Variants in KDM4A observed in about 807,000 individuals in gnomAD.
The protein encoded by KDM4A is lysine-specific demethylase 4A.
Under a neutral mutation model 127.1 loss-of-function variants are expected in KDM4A, and 23 were observed. That is an observed-to-expected ratio of 0.18 (90% CI 0.13 to 0.26). The LOEUF is 0.26. KDM4A is among the 10% of genes least tolerant of loss of function. The pLI, the probability that KDM4A is intolerant of heterozygous loss-of-function variation, is 1.00. For synonymous variants in KDM4A, 443 were observed against 466.5 expected, an observed-to-expected ratio of 0.95 and a Z score of 0.65; for missense variants, 890 against 1,329.1, an observed-to-expected ratio of 0.67 and a Z score of 5.14.
intron 5 of KDM4A, among the ~76,000 whole-genome samples, chr1:43,664,307 C>G (rs1373944691): frequency 1.3e-5 from 2 of 152,024 alleles, no homozygotes; most frequent in African/African-American, 4.8e-5. Flanking sequence ...TGGCTCACAC[C>G]TGTAATCCCA....
chr1:43,690,762 C>G, intron 13 of KDM4A, 83 bp from the exon 14 acceptor site: 2 of 1,295,388 alleles, frequency 1.5e-6, no homozygotes, highest in Admixed American at 3.4e-5. Flanking sequence ...GTAAGAGAGC[C>G]AGCTTTCTGC....
chr1:43,658,889 C>T (rs1660308982), intron 3 of KDM4A, among the ~76,000 whole-genome samples: 1 of 152,082 alleles, frequency 6.6e-6, no homozygotes, highest in Non-Finnish European at 1.5e-5. Flanking sequence ...ATCCTCCTGC[C>T]TCAGCCTCCC....
chr1:43,680,401 G>A (rs531813808), intron 11 of KDM4A, among the ~76,000 whole-genome samples: 10 of 152,298 alleles, frequency 6.6e-5, no homozygotes, highest in African/African-American at 2.2e-4. Flanking sequence ...GCATTCTGGT[G>A]TTCTTGACCT....
intron 11 of KDM4A, among the ~76,000 whole-genome samples, chr1:43,681,923 C>T (rs1463914701): frequency 6.6e-6 from 1 of 152,154 alleles, no homozygotes; most frequent in Non-Finnish European, 1.5e-5. Flanking sequence ...GACTGTCGGG[C>T]AAGTATGGGT....
At chr1:43,683,546 T>C (rs897695569) in intron 11 of KDM4A, 138 bp from the exon 12 acceptor site, 29 of 990,522 alleles carry the variant, frequency 2.9e-5, no homozygotes, top group Non-Finnish European at 3.7e-5. Flanking sequence ...TTTTCTAAGA[T>C]AGGTATTTTC....
At position 43,657,530 on chromosome 1, in the gene KDM4A, T is replaced by G. The variant is rs142720426; in HGVS notation, c.314+1764T>G. ...TTAACTCTTAAAACATCTACCTTGC[T>G]GGCCAACCTGCTGACCGATGAGAGA... On this transcript the variant is annotated intron_variant, in intron 3 of 21. Coordinates refer to ENST00000372396, the MANE Select transcript of KDM4A (RefSeq NM_014663.3). 2.6e-5 allele frequency among the ~76,000 whole-genome samples: 4 copies of G among 152,208 alleles called. No individual in the cohort carries two copies. The East Asian group carries it at 5.8e-4, about 22-fold the overall frequency.
intron 3 of KDM4A, 75 bp from the exon 4 acceptor site, chr1:43,660,222 AT>A (rs1660340128): frequency 6.8e-7 from 1 of 1,468,736 alleles, no homozygotes; most frequent in Non-Finnish European, 9.4e-7. Flanking sequence ...GGAATAGGGG[AT>A]TATGTCTTGT....
intron 18 of KDM4A, among the ~76,000 whole-genome samples, chr1:43,697,279 T>C (rs1175941385): frequency 6.6e-6 from 1 of 152,234 alleles, no homozygotes; most frequent in Non-Finnish European, 1.5e-5. Context: ...TGATCCTGTT[T>C]GCATCAAGGG....
Position 43,691,749 on chromosome 1 carries a change from C to T in KDM4A, c.2319+177C>T, listed in dbSNP as rs541763078. Among the ~76,000 whole-genome samples the T allele has an allele frequency of 3.3e-5, 5 of 152,240 alleles. No individual in the cohort carries two copies. The East Asian group carries it at 5.8e-4, about 18-fold the overall frequency. On this transcript the variant is annotated intron_variant, in intron 15 of 21. Coordinates refer to ENST00000372396, the MANE Select transcript of KDM4A (RefSeq NM_014663.3). ...TATGACCGTGAGAATGGTTGCTGCC[C>T]ACTTACGGAGTCTGGATGCTGTGTT...
At chr1:43,666,387 G>A in intron 6 of KDM4A, 65 bp from the exon 7 acceptor site, 2 of 1,286,580 alleles carry the variant, frequency 1.6e-6, no homozygotes, top group South Asian at 2.4e-5. Context: ...CAGGTGTGAA[G>A]TGACTCCAGG....
chr1:43,673,505 G>T (rs1191103533), intron 11 of KDM4A, among the ~76,000 whole-genome samples: 4 of 151,736 alleles, frequency 2.6e-5, no homozygotes, highest in African/African-American at 7.3e-5. Flanking sequence ...TTTATGGTAG[G>T]TTTGTCTCCT....
In KDM4A at chr1:43,697,826, C is replaced by G; in HGVS notation, c.2671-17C>G. 6.2e-7 allele frequency: 1 copy of G among 1,608,652 alleles called. No homozygotes were observed. On this transcript the variant is annotated splice_polypyrimidine_tract_variant and intron_variant, in intron 18 of 21. Transcript: ENST00000372396. The stretch of plus-strand genomic sequence containing the variant: ...AAACTCCACGTGTGAGTAACCAAAG[C>G]CTCTGTTTTTTTCCAGCGTGCCAAG...
At chr1:43,672,115 A>G (rs1660633341) in intron 11 of KDM4A, among the ~76,000 whole-genome samples, 1 of 151,980 alleles carries the variant, frequency 6.6e-6, no homozygotes, top group African/African-American at 2.4e-5. Flanking sequence ...CCCTGTGGCT[A>G]CTGATTCCAA....
intron 19 of KDM4A, among the ~76,000 whole-genome samples, chr1:43,703,226 G>C (rs995690380): frequency 1.3e-5 from 2 of 151,884 alleles, no homozygotes; most frequent in African/African-American, 4.8e-5. Context: ...ACAGGCATGA[G>C]CCACCGTGCC....
chr1:43,686,231 T>G (rs1403810920), intron 12 of KDM4A, among the ~76,000 whole-genome samples: 1 of 148,084 alleles, frequency 6.8e-6, no homozygotes, highest in African/African-American at 2.5e-5. Flanking sequence ...TGATCTTGGC[T>G]TACTGCAACC....
rs775326605 is a variant in KDM4A at position 43,694,872 on chromosome 1, G to C, written c.2648G>C (p.Arg883Pro). 6.3e-7 allele frequency: 1 copy of C among 1,596,950 alleles called. No homozygotes were observed. Among genetic ancestry groups the C allele is most frequent in the Admixed American group, 1.7e-5 (1 of 59,710 alleles). The change falls in exon 18 of 22, where the codon CGG becomes CCG. Residue 883 changes from arginine to proline, a missense_variant. Arg to Pro is a moderately radical substitution (Grantham distance 103). Transcript: ENST00000372396. The surrounding 1 kb of genome is among the most constrained non-coding windows in gnomAD (Gnocchi z 5.2). ...WPFVVFITCF[R>P]HKIPNLERAK... ...TTTGTGGTCTTCATTACCTGCTTTC[G>C]GCACAAGATTCCTAATTTGGAGGTG...
chr1:43,690,734 G>A (rs1184800969), intron 13 of KDM4A, 111 bp from the exon 14 acceptor site: 5 of 990,010 alleles, frequency 5.1e-6, no homozygotes, highest in South Asian at 3.9e-5. Flanking sequence ...CCCGGGAGCT[G>A]TAGCCATAGT....
chr1:43,655,310 A>T (rs1394028744), intron 2 of KDM4A, among the ~76,000 whole-genome samples: 1 of 152,134 alleles, frequency 6.6e-6, no homozygotes, highest in Non-Finnish European at 1.5e-5. Context: ...ATTGAGAGAG[A>T]ATCAAGTCTT....
rs1252817494 is a variant in KDM4A, at chr1:43,671,857, TG to T, written c.1717del (p.Glu573SerfsTer15). The T allele has an allele frequency of 6.4e-7, 1 of 1,572,470 alleles. No individual in the cohort carries two copies. Among genetic ancestry groups the T allele is most frequent in the Non-Finnish European group, 8.6e-7 (1 of 1,157,774 alleles). On this transcript the variant is annotated frameshift_variant, in exon 11 of 22. Transcript: ENST00000372396. LOFTEE classifies it high-confidence loss of function. ...KKGSAARSFS[E>X]RELAEVADEY... ...AAGGAAGCGCCGCTAGAAGTTTCAG[TG>T]AGCGGGAGCTGGCAGAGGTATGGGC...
Sources: allele counts gnomAD v4.1 joint callset (sites outside exome capture counted in the v4.1 genomes callset), GRCh38; gene constraint gnomAD v4.1.1; non-coding constraint Gnocchi (gnomAD v3.1); transcripts MANE v1.5; gene names NCBI Gene and HGNC (gene_info 2026-07-23, HGNC 2026-07-21).